Variants in B3GLCT observed in about 807,000 individuals in gnomAD.
B3GLCT encodes beta 3-glucosyltransferase, also known as beta-1,3-glucosyltransferase.
In B3GLCT, 65 loss-of-function variants were observed where a neutral mutation model predicts 63.4. The observed-to-expected ratio is 1.03, with a 90% confidence interval of 0.84 to 1.26. The LOEUF (loss-of-function observed/expected upper bound fraction) is 1.26. B3GLCT is among the 50% of genes most tolerant of loss of function. B3GLCT has a pLI of 0.00. For synonymous variants in B3GLCT, 233 were observed against 219.2 expected (o/e 1.06, Z -0.55); for missense variants, 577 against 604.8 (o/e 0.95, Z 0.48).
intron 4 of B3GLCT, 71 bp from the exon 5 acceptor site, chr13:31,246,952 T>TTTTTTTTTTTTTTTTTTTTTTTTTTTTTC: frequency 2.7e-6 from 1 of 372,040 alleles, no homozygotes; most frequent in Non-Finnish European, 4.2e-6. Flanking sequence ...TTTTCTTTTC[T>TTTTTTTTTTTTTTTTTTTTTTTTTTTTTC]TTTTTTTTTT....
rs1338138844 is a variant in B3GLCT, at chr13:31,269,261, T to C, written c.644T>C (p.Ile215Thr). ...KSESLKSDFT[I>T]DLKHEIALYI... ...GAATCCTTGAAATCCGACTTTACAA[T>C]AGATTTAAAACATGAGGTATGTCAT... Residue 215 changes from isoleucine to threonine, a missense_variant, in exon 8 of 15, where the codon ATA (isoleucine) becomes ACA (threonine). Transcript: ENST00000343307. 1 of 1,605,642 alleles carries C rather than the reference T, an allele frequency of 6.2e-7. No homozygotes were observed.
At chr13:31,233,824 T>G (rs1482615956) in intron 4 of B3GLCT, among the ~76,000 whole-genome samples, 1 of 152,040 alleles carries the variant, frequency 6.6e-6, no homozygotes, top group African/African-American at 2.4e-5. Flanking sequence ...CAGGATTTTG[T>G]TTTCATATCA....
chr13:31,222,960 G>A lies in B3GLCT; in HGVS notation c.129G>A (p.Glu43=), dbSNP rs572785989. The A allele has an allele frequency of 6.6e-7, 1 of 1,524,100 alleles. No individual in the cohort carries two copies. The highest frequency in any genetic ancestry group is 2.3e-5 in the East Asian group (1 of 44,370). The allele number at this position is 1,524,100 out of a possible 1,614,324, so 94.4% of individuals were successfully genotyped here. A position where few individuals can be genotyped will look rare whatever the true frequency, so the allele number is the denominator to read the frequency against. Residue 43 remains glutamate, a synonymous_variant, in exon 3 of 15, where the codon GAG becomes GAA. Transcript: ENST00000343307. ...TTTCATTTAAAATACAGGATTTGGA[G>A]AAAAGTGGTATATCAAGGAAAAATG... ...KKEVKQSQDL[E]KSGISRKNDI... is the part of the protein sequence containing the mutation.
At chr13:31,203,262 C>G (rs1463490033) in intron 1 of B3GLCT, among the ~76,000 whole-genome samples, 1 of 152,078 alleles carries the variant, frequency 6.6e-6, no homozygotes, top group Non-Finnish European at 1.5e-5. Flanking sequence ...CTCTTTATTT[C>G]TTAAGCAGTA....
chr13:31,203,004 A>C (rs916732421), intron 1 of B3GLCT, among the ~76,000 whole-genome samples: 85 of 152,196 alleles, frequency 5.6e-4, no homozygotes, highest in Non-Finnish European at 1.6e-4. Context: ...TTGATAGAAG[A>C]AGCTTATTCG....
intron 12 of B3GLCT, among the ~76,000 whole-genome samples, chr13:31,308,459 C>T (rs1874525023): frequency 6.6e-6 from 1 of 151,544 alleles, no homozygotes; most frequent in Non-Finnish European, 1.5e-5. Flanking sequence ...GTCTGGCAGT[C>T]CCCCTTCTCA....
chr13:31,314,850 T>C (rs376722924), intron 12 of B3GLCT, among the ~76,000 whole-genome samples: 55 of 152,310 alleles, frequency 3.6e-4, no homozygotes, highest in African/African-American at 1.3e-3. Flanking sequence ...TTCCCACATA[T>C]TGTGGGAGGG....
intron 13 of B3GLCT, among the ~76,000 whole-genome samples, chr13:31,320,985 A>G (rs917277359): frequency 4.4e-4 from 67 of 152,232 alleles, no homozygotes; most frequent in African/African-American, 1.4e-3. Context: ...TTCATAGCAT[A>G]TTATGCAAAC....
chr13:31,255,143 C>T (rs534338396), intron 6 of B3GLCT, among the ~76,000 whole-genome samples: 4 of 152,046 alleles, frequency 2.6e-5, no homozygotes, highest in South Asian at 2.1e-4. Context: ...AAATCACAAG[C>T]GTTCCTATAC....
At chr13:31,256,403 C>T (rs948618424) in intron 6 of B3GLCT, among the ~76,000 whole-genome samples, 1 of 152,048 alleles carries the variant, frequency 6.6e-6, no homozygotes, top group Non-Finnish European at 1.5e-5. Flanking sequence ...ACGATTTGAC[C>T]CAGCAATCCC....
chr13:31,322,152 GCTAT>G (rs1340472664), intron 13 of B3GLCT, among the ~76,000 whole-genome samples: 2 of 152,352 alleles, frequency 1.3e-5, no homozygotes, highest in East Asian at 3.9e-4. Context: ...CTGTGCTTAG[GCTAT>G]CTATCATCAG....
chr13:31,229,318 C>T, intron 4 of B3GLCT, 24 bp downstream of exon 4: 2 of 1,360,330 alleles, frequency 1.5e-6, no homozygotes, highest in Middle Eastern at 1.8e-4. Context: ...GCTGGGGGGT[C>T]TGCCAGTTAT....
chr13:31,231,171 G>A lies in B3GLCT; in HGVS notation c.270+1877G>A, dbSNP rs895154895. Among the ~76,000 whole-genome samples, 12 of 152,168 alleles carry A rather than the reference G, an allele frequency of 7.9e-5. No individual in the cohort carries two copies. In the South Asian group the frequency reaches 1.2e-3, roughly 16 times the overall value. ...GGAGGCGCTAGTGGGGTGGCCACGC[G>A]CAGGCTGCTGCAGGGAGGAGGAGGA... is the stretch of plus-strand genomic sequence containing the variant. On this transcript the variant is annotated intron_variant, in intron 4 of 14. Coordinates refer to ENST00000343307, the MANE Select transcript of B3GLCT (RefSeq NM_194318.4).
chr13:31,277,383 A>G (rs1253450742), intron 10 of B3GLCT, among the ~76,000 whole-genome samples: 1 of 150,634 alleles, frequency 6.6e-6, no homozygotes, highest in Non-Finnish European at 1.5e-5. Flanking sequence ...AGTTGTGACG[A>G]TAATGTAAAA....
rs1053508652 is a variant in B3GLCT, at chr13:31,261,066, A to G, written c.580A>G (p.Ile194Val). ...PDFAAGWALS[I>V]PLVNKLTKRL... is the part of the protein sequence containing the mutation. ...CTTTGCTGCAGGCTGGGCCTTAAGTATTCCACTTGTAAACAAGTAAGAATT... is the reference window on the plus strand; with the variant it reads ...CTTTGCTGCAGGCTGGGCCTTAAGTGTTCCACTTGTAAACAAGTAAGAATT... Residue 194 changes from isoleucine (I) to valine (V), a missense_variant, in exon 7 of 15, where the codon ATT becomes GTT. Physicochemically the swap from Ile to Val is conservative, Grantham distance 29 (BLOSUM62 3). Coordinates refer to ENST00000343307, the MANE Select transcript of B3GLCT (RefSeq NM_194318.4). 3 of 1,612,508 alleles carry G rather than the reference A, an allele frequency of 1.9e-6. No homozygotes were observed. In the African/African-American group the frequency reaches 4.0e-5, roughly 22 times the overall value.
intron 4 of B3GLCT, among the ~76,000 whole-genome samples, chr13:31,237,350 G>A (rs2137787436): frequency 1.1e-5 from 1 of 91,020 alleles, no homozygotes; most frequent in Admixed American, 1.7e-4. Context: ...TTAGCTGGAG[G>A]CTGTTTTTTT....
rs371488075 is a variant in B3GLCT, at chr13:31,274,502, G to A, written c.661-7G>A. The A allele has an allele frequency of 1.3e-4, 216 of 1,613,958 alleles. No individual in the cohort carries two copies. The highest frequency in any genetic ancestry group is 4.8e-4 in the Admixed American group (29 of 59,998). On this transcript the variant is annotated splice_polypyrimidine_tract_variant and splice_region_variant and intron_variant, in intron 8 of 14. Coordinates refer to ENST00000343307, the MANE Select transcript of B3GLCT (RefSeq NM_194318.4). ...TTCATCACTGCCTGTCTCCTGTCTC[G>A]TGGCAGATTGCCCTCTACATCTGGG...
rs781554214 is a variant in B3GLCT at position 31,284,708 on chromosome 13, A to G, written c.911A>G (p.Tyr304Cys). 8.7e-6 allele frequency: 14 copies of G among 1,611,778 alleles called. No homozygotes were observed. Among genetic ancestry groups the G allele is most frequent in the South Asian group, 5.5e-5 (5 of 91,026 alleles). Residue 304 changes from tyrosine (Y) to cysteine (C), a missense_variant, in exon 11 of 15, where the codon TAT becomes TGT. Tyr to Cys is a radical substitution (Grantham distance 194). Coordinates refer to ENST00000343307, the MANE Select transcript of B3GLCT (RefSeq NM_194318.4). ...QASLIEYYSD[Y>C]TENSIPTVDL... ...AGTCTCATTGAATACTATAGTGACT[A>G]TACTGAAAATTCCATTCCTACTGTG... is the stretch of plus-strand genomic sequence containing the variant.
chr13:31,269,397 A>G, intron 8 of B3GLCT, 120 bp downstream of exon 8: 1 of 693,364 alleles, frequency 1.4e-6, no homozygotes, highest in Non-Finnish European at 2.5e-6. Flanking sequence ...CTCCCCACAG[A>G]GATAATTTCA....
Sources: allele counts gnomAD v4.1 joint callset (sites outside exome capture counted in the v4.1 genomes callset), GRCh38; gene constraint gnomAD v4.1.1; transcripts MANE v1.5; gene names NCBI Gene and HGNC (gene_info 2026-07-23, HGNC 2026-07-21).